Variants in HELZ observed in about 807,000 individuals in gnomAD.
HELZ encodes the protein helicase with zinc finger.
In HELZ, 23 loss-of-function variants were observed where a neutral mutation model predicts 218.2. The ratio of observed to expected loss-of-function variants is 0.11; its 90% CI spans 0.08 to 0.15. The LOEUF (loss-of-function observed/expected upper bound fraction) is 0.15. Among genes scored for constraint, HELZ ranks in the 10% least tolerant of loss-of-function variants. The probability of loss-of-function intolerance (pLI) is 1.00; values close to 1 mark genes in which losing one functional copy is unlikely to be tolerated. For missense variants in HELZ, 1,813 were observed against 2,353.7 expected (o/e 0.77, Z 4.75); for synonymous variants, 814 against 829.4 (o/e 0.98, Z 0.32).
rs1234582356 is a variant in HELZ, at chr17:67,107,363, A to G, written c.5047T>C (p.Trp1683Arg). ...PLKYLAPDGA[W>R]TFANLQQNHL... ...TTCTGTTGCAAGTTAGCAAAAGTCC[A>G]TGCTCCATCAGGTGCCAGGTATTTC... The change falls in exon 31 of 33, where the codon TGG becomes CGG. Residue 1683 changes from tryptophan to arginine, a missense_variant. Around this residue, in one of 4 missense-constraint regions of HELZ, gnomAD observed 938 missense variants for 1,027.5 expected, o/e 0.91. Transcript: ENST00000358691. The G allele has an allele frequency of 5.6e-6, 9 of 1,614,112 alleles. No individual in the cohort carries two copies. The highest frequency in any genetic ancestry group is 3.3e-5 in the South Asian group (3 of 91,082).
intron 25 of HELZ, among the ~76,000 whole-genome samples, 162 bp from the exon 26 acceptor site, chr17:67,123,322 A>C (rs187227330): frequency 1.1e-3 from 167 of 152,356 alleles, no homozygotes; most frequent in African/African-American, 3.8e-3. Context: ...ATTACAAAAA[A>C]AAAAAATTTT....
chr17:67,145,331 C>T (rs1423100295), intron 21 of HELZ, among the ~76,000 whole-genome samples: 2 of 152,174 alleles, frequency 1.3e-5, no homozygotes, highest in Non-Finnish European at 2.9e-5. Flanking sequence ...ATTGCAACAT[C>T]GCTGTCTGGG....
intron 21 of HELZ, among the ~76,000 whole-genome samples, chr17:67,138,627 C>T (rs941167474): frequency 1.3e-5 from 2 of 152,186 alleles, no homozygotes; most frequent in African/African-American, 4.8e-5. Context: ...CCAACAGCCA[C>T]CAATTGACAA....
intron 5 of HELZ, among the ~76,000 whole-genome samples, chr17:67,203,914 CA>C (rs1159420019): frequency 6.6e-6 from 1 of 152,110 alleles, no homozygotes; most frequent in Non-Finnish European, 1.5e-5. Flanking sequence ...ACTAAGAATC[CA>C]ATTGCCCAGT....
intron 31 of HELZ, among the ~76,000 whole-genome samples, chr17:67,099,016 A>G (rs577950807): frequency 5.3e-5 from 8 of 152,338 alleles, no homozygotes; most frequent in Admixed American, 3.9e-4. Context: ...TGTAGCCTAC[A>G]AAAGAAAAAT....
chr17:67,235,325 T>C (rs1344865229), intron 3 of HELZ, among the ~76,000 whole-genome samples: 1 of 151,948 alleles, frequency 6.6e-6, no homozygotes, highest in African/African-American at 2.4e-5. Context: ...AACAACATGG[T>C]GAAACCCCGT....
chr17:67,161,639 T>A (rs1040325186), intron 15 of HELZ, among the ~76,000 whole-genome samples: 1 of 152,226 alleles, frequency 6.6e-6, no homozygotes, highest in Non-Finnish European at 1.5e-5. Context: ...TTAAGTTTTT[T>A]AAAAAGGCAT....
At chr17:67,106,740 G>A (rs2037116169) in intron 31 of HELZ, among the ~76,000 whole-genome samples, 1 of 152,238 alleles carries the variant, frequency 6.6e-6, no homozygotes, top group South Asian at 2.1e-4. Flanking sequence ...AAAGCACCAG[G>A]CTGAGTGGCA....
At chr17:67,120,113 C>A (rs1449822699) in intron 27 of HELZ, 1 of 363,596 alleles carries the variant, frequency 2.8e-6, no homozygotes, top group Non-Finnish European at 5.2e-6. Context: ...ATGCCATTCT[C>A]CTGCCTCAGC....
intron 22 of HELZ, among the ~76,000 whole-genome samples, chr17:67,136,552 T>A (rs988203216): frequency 6.6e-6 from 1 of 152,184 alleles, no homozygotes; most frequent in African/African-American, 2.4e-5. Context: ...AACACGAGTA[T>A]CCCTGGACAG....
rs946511016 is a variant in HELZ, at chr17:67,235,300, T to C, written c.-19+4133A>G. On this transcript the variant is annotated intron_variant, in intron 3 of 32. Transcript: ENST00000358691. ...GGCGGGTGGATCACGAGGTCAGAAG[T>C]TCAAGACCAGCCTGAACAACATGGT... 5.9e-5 allele frequency among the ~76,000 whole-genome samples: 9 copies of C among 151,704 alleles called. No individual in the cohort carries two copies. The South Asian group carries it at 1.0e-3, about 18-fold the overall frequency.
chr17:67,168,738 C>T (rs1469791013), intron 13 of HELZ, among the ~76,000 whole-genome samples: 1 of 152,128 alleles, frequency 6.6e-6, no homozygotes, highest in Non-Finnish European at 1.5e-5. Context: ...CATGTGTGCA[C>T]GTGAGTATGA....
Position 67,138,013 on chromosome 17 carries a change from A to G in HELZ, c.2871T>C (p.Ala957=), listed in dbSNP as rs776339940. ...CAGCACGTATTCTAAACACTTGATC[A>G]GCATATGGAGTCACCACACCAATAC... ...DGSIGVVTPY[A]DQVFRIRAEL... is the part of the protein sequence containing the mutation. The change falls in exon 22 of 33, where the codon GCT becomes GCC. Residue 957 remains alanine, a synonymous_variant. Coordinates refer to ENST00000358691, the MANE Select transcript of HELZ (RefSeq NM_014877.4). The G allele has an allele frequency of 5.0e-6, 8 of 1,613,802 alleles. No individual in the cohort carries two copies. Among genetic ancestry groups the G allele is most frequent in the South Asian group, 2.2e-5 (2 of 91,018 alleles).
rs532393426 is a variant in HELZ at position 67,109,239 on chromosome 17, G to A, written c.4366C>T (p.Pro1456Ser). ...GGACTGTGGCCTTCTTGCAGCATGG[G>A]AGGGGGCTGCTGCTCCGGAATTACA... ...EAVIPEQQPP[P>S]MLQEGHSPLR... The change falls in exon 29 of 33, where the codon CCC becomes TCC. Residue 1456 changes from proline (P) to serine (S), a missense_variant. Pro to Ser is a moderately conservative substitution (Grantham distance 74). Around this residue, in one of 4 missense-constraint regions of HELZ, gnomAD observed 938 missense variants for 1,027.5 expected, o/e 0.91. Transcript: ENST00000358691. 44 of 1,614,176 alleles carry A rather than the reference G, an allele frequency of 2.7e-5. 2 individuals are homozygous for A. The South Asian group carries it at 4.4e-4, about 16-fold the overall frequency.
At position 67,108,558 on chromosome 17, in the gene HELZ, G is replaced by A. The variant is rs372449097; in HGVS notation, c.4658C>T (p.Pro1553Leu). 12 of 1,613,894 alleles carry A rather than the reference G, an allele frequency of 7.4e-6. No individual in the cohort carries two copies. Among genetic ancestry groups the A allele is most frequent in the African/African-American group, 2.7e-5 (2 of 74,896 alleles). ...GAGCTTCCAGTCTGCCCTCACTGGC[G>A]GCTGATGTAATCCCAGGGGCGGCTG... ...LPQPPLGLHQ[P>L]PVRADWKLTS... The change falls in exon 30 of 33, where the codon CCG becomes CTG. Residue 1553 changes from proline to leucine, a missense_variant. Transcript: ENST00000358691. This position sits in a 1 kb window ranked among gnomAD's most constrained non-coding sequence, Gnocchi z 4.1.
chr17:67,100,842 T>C (rs368108854), intron 31 of HELZ, among the ~76,000 whole-genome samples: 5 of 152,122 alleles, frequency 3.3e-5, no homozygotes, highest in Non-Finnish European at 7.4e-5. Context: ...GGCTCACACC[T>C]GTAATCCCAG....
chr17:67,159,912 T>C (rs990855705), intron 17 of HELZ, among the ~76,000 whole-genome samples: 1 of 152,282 alleles, frequency 6.6e-6, no homozygotes, highest in Middle Eastern at 3.4e-3. Flanking sequence ...TAATCTGCCA[T>C]GCAAAATATG....
At position 67,075,009 on chromosome 17, in the gene HELZ, G is replaced by A. The variant is rs1239254586; in HGVS notation, c.*3243C>T. 6.6e-6 allele frequency: 1 copy of A among 152,068 alleles called. No individual in the cohort carries two copies. The highest frequency in any genetic ancestry group is 1.5e-5 in the Non-Finnish European group (1 of 67,972). 9.4% of individuals were successfully genotyped at this position (152,068 alleles called of 1,614,324 possible). On this transcript the variant is annotated 3_prime_UTR_variant, in exon 33 of 33. Coordinates refer to ENST00000358691, the MANE Select transcript of HELZ (RefSeq NM_014877.4). ...TAACTACTGATTAATCAAAAACAAA[G>A]TTCTGCTATAACAATTTGGCAAAGC...
chr17:67,198,003 T>C (rs746318115), intron 7 of HELZ, among the ~76,000 whole-genome samples: 3 of 152,216 alleles, frequency 2.0e-5, no homozygotes, highest in Non-Finnish European at 2.9e-5. Context: ...AAAGATCTCT[T>C]TAAATTCTTC....
Sources: allele counts gnomAD v4.1 joint callset (sites outside exome capture counted in the v4.1 genomes callset), GRCh38; gene constraint gnomAD v4.1.1; regional missense constraint gnomAD v4.1.1; non-coding constraint Gnocchi (gnomAD v3.1); transcripts MANE v1.5; gene names NCBI Gene and HGNC (gene_info 2026-07-23, HGNC 2026-07-21).